ADAMTS18: variants seen among roughly 807,000 people sequenced by gnomAD.
The protein encoded by ADAMTS18 is A disintegrin and metalloproteinase with thrombospondin motifs 18.
In ADAMTS18, 157 loss-of-function variants were observed where a neutral mutation model predicts 165.9. The observed-to-expected ratio is 0.95, with a 90% confidence interval of 0.83 to 1.08. ADAMTS18 has a LOEUF of 1.08. Among genes scored for constraint, ADAMTS18 ranks in the 50% least tolerant of loss-of-function variants. The pLI is 0.00. For synonymous variants in ADAMTS18, 782 were observed against 578.2 expected (o/e 1.35, Z -5.06); for missense variants, 2,040 against 1,534.0 (o/e 1.33, Z -5.51).
chr16:77,400,002 G>C (rs530783028), intron 3 of ADAMTS18, among the ~76,000 whole-genome samples: 5 of 152,164 alleles, frequency 3.3e-5, no homozygotes, highest in African/African-American at 1.2e-4. Context: ...AAGCAAAAAG[G>C]CTTTCAAGGA....
intron 16 of ADAMTS18, among the ~76,000 whole-genome samples, chr16:77,307,538 T>C (rs2055703137): frequency 6.6e-6 from 1 of 152,136 alleles, no homozygotes; most frequent in African/African-American, 2.4e-5. Flanking sequence ...TGGGGAGAAA[T>C]AGTGTTCTCT....
chr16:77,383,804 G>C (rs575049801), intron 3 of ADAMTS18, among the ~76,000 whole-genome samples: 30 of 152,218 alleles, frequency 2.0e-4, no homozygotes, highest in Admixed American at 4.6e-4. Context: ...ACCTCCCAAA[G>C]CGCTGGGATT....
chr16:77,325,021 A>T lies in ADAMTS18; in HGVS notation c.2032+845T>A, dbSNP rs1230230913. Reference sequence around the variant, plus strand: ...TCGATTTGGAGGCTCTACTTGTTATAGTGATGCCTGTAATTATATTAGCTT... The same window carrying T: ...TCGATTTGGAGGCTCTACTTGTTATTGTGATGCCTGTAATTATATTAGCTT... On this transcript the variant is annotated intron_variant, in intron 13 of 22. Transcript: ENST00000282849. Among the ~76,000 whole-genome samples the T allele has an allele frequency of 5.3e-5, 8 of 152,230 alleles. 1 individual carries two copies. Among genetic ancestry groups the T allele is most frequent in the Non-Finnish European group, 1.0e-4 (7 of 68,036 alleles).
At chr16:77,369,646 C>T (rs571206625) in intron 3 of ADAMTS18, among the ~76,000 whole-genome samples, 1 of 152,282 alleles carries the variant, frequency 6.6e-6, no homozygotes, top group African/African-American at 2.4e-5. Context: ...GATGGCTTCC[C>T]TGATGATTTC....
intron 10 of ADAMTS18, among the ~76,000 whole-genome samples, chr16:77,350,580 A>G (rs192684057): frequency 1.3e-5 from 2 of 152,322 alleles, no homozygotes; most frequent in African/African-American, 4.8e-5. Context: ...GAAATCTCGG[A>G]ACAAAATTTT....
At chr16:77,379,138 G>C (rs1178960312) in intron 3 of ADAMTS18, among the ~76,000 whole-genome samples, 3 of 152,208 alleles carry the variant, frequency 2.0e-5, no homozygotes, top group Non-Finnish European at 4.4e-5. Context: ...GGATGGGAAA[G>C]AGAAGTGACC....
intron 3 of ADAMTS18, among the ~76,000 whole-genome samples, chr16:77,379,818 G>C (rs558604215): frequency 5.3e-5 from 8 of 152,192 alleles, no homozygotes; most frequent in African/African-American, 1.9e-4. Flanking sequence ...GTCAGGTAAA[G>C]GCCCTCCCCT....
chr16:77,314,989 AAG>A (rs2055861654), intron 16 of ADAMTS18, among the ~76,000 whole-genome samples: 1 of 151,250 alleles, frequency 6.6e-6, no homozygotes, highest in African/African-American at 2.4e-5. Flanking sequence ...GTAGCTAGTT[AAG>A]AGTCTGTACT....
chr16:77,330,072 A>AGATTCAGAAATACT (rs1322634691), intron 12 of ADAMTS18, among the ~76,000 whole-genome samples: 21 of 152,188 alleles, frequency 1.4e-4, no homozygotes, highest in Non-Finnish European at 1.6e-4. Flanking sequence ...GAGATATGGA[A>AGATTCAGAAATACT]GATTCAGAAA....
At chr16:77,417,772 T>C (rs1413289494) in intron 3 of ADAMTS18, among the ~76,000 whole-genome samples, 3 of 152,178 alleles carry the variant, frequency 2.0e-5, no homozygotes, top group Non-Finnish European at 2.9e-5. Context: ...ATAAAAAAAG[T>C]GTAAGTGGCC....
At position 77,353,181 on chromosome 16, in the gene ADAMTS18, G is replaced by A. The variant is rs1165845547; in HGVS notation, c.1614+552C>T. ...GTCATTCTTGACCAAGTGTAACAAC[G>A]TGTCTCTCATTTCTATAACCTGGAC... On this transcript the variant is annotated intron_variant, in intron 10 of 22. Coordinates refer to ENST00000282849, the MANE Select transcript of ADAMTS18 (RefSeq NM_199355.4). Among the ~76,000 whole-genome samples the A allele has an allele frequency of 5.3e-5, 8 of 152,092 alleles. No homozygotes were observed. The South Asian group carries it at 8.3e-4, about 16-fold the overall frequency.
chr16:77,427,136 A>C (rs918104058), intron 3 of ADAMTS18, among the ~76,000 whole-genome samples: 1 of 152,204 alleles, frequency 6.6e-6, no homozygotes, highest in Non-Finnish European at 1.5e-5. Flanking sequence ...GAGAATTAAA[A>C]ATACACCTTC....
intron 3 of ADAMTS18, among the ~76,000 whole-genome samples, chr16:77,370,373 C>CA (rs1483205963): frequency 3.3e-5 from 5 of 152,154 alleles, no homozygotes; most frequent in African/African-American, 9.7e-5. Context: ...AATAGAGGAA[C>CA]ACAGTAGAGT....
chr16:77,428,147 T>A (rs1283261374), intron 3 of ADAMTS18, among the ~76,000 whole-genome samples: 1 of 152,180 alleles, frequency 6.6e-6, no homozygotes, highest in Non-Finnish European at 1.5e-5. Flanking sequence ...AACACTGATA[T>A]ATAAACTTCA....
chr16:77,310,243 C>T (rs1444433150), intron 16 of ADAMTS18, among the ~76,000 whole-genome samples: 3 of 152,208 alleles, frequency 2.0e-5, no homozygotes, highest in East Asian at 1.9e-4. Context: ...TCACTCCATA[C>T]ATTTTCTTAA....
intron 12 of ADAMTS18, among the ~76,000 whole-genome samples, chr16:77,333,908 G>C (rs1719302054): frequency 2.1e-5 from 3 of 143,622 alleles, no homozygotes; most frequent in African/African-American, 5.1e-5. Flanking sequence ...ATAATATATA[G>C]TGTCCTATAT....
chr16:77,342,653 A>C (rs1023679954), intron 10 of ADAMTS18, among the ~76,000 whole-genome samples: 2 of 152,228 alleles, frequency 1.3e-5, no homozygotes, highest in Non-Finnish European at 2.9e-5. Context: ...AACCAGGCCT[A>C]TGAAATAATT....
intron 16 of ADAMTS18, among the ~76,000 whole-genome samples, chr16:77,317,858 G>A (rs551645092): frequency 1.8e-4 from 28 of 152,246 alleles, no homozygotes; most frequent in Admixed American, 3.3e-4. Flanking sequence ...ATGGAACTGA[G>A]AAAGATGATA....
chr16:77,371,707 C>A (rs2056878709), intron 3 of ADAMTS18, among the ~76,000 whole-genome samples: 1 of 152,086 alleles, frequency 6.6e-6, no homozygotes, highest in African/African-American at 2.4e-5. Flanking sequence ...TGACATAGGT[C>A]TGGGCAAGGA....
Sources: allele counts gnomAD v4.1 joint callset (sites outside exome capture counted in the v4.1 genomes callset), GRCh38; gene constraint gnomAD v4.1.1; transcripts MANE v1.5; gene names NCBI Gene and HGNC (gene_info 2026-07-23, HGNC 2026-07-21).